Variants in PDE4C observed in about 807,000 individuals in gnomAD.
The protein encoded by PDE4C is 3',5'-cyclic-AMP phosphodiesterase 4C.
A neutral mutation model predicts 63.9 loss-of-function variants in PDE4C; 50 were observed. The ratio of observed to expected loss-of-function variants is 0.78; its 90% CI spans 0.62 to 0.99. PDE4C has a LOEUF of 0.99. PDE4C is among the 50% of genes least tolerant of loss of function. The pLI, the probability that PDE4C is intolerant of heterozygous loss-of-function variation, is 0.00. For missense variants in PDE4C, 777 were observed against 899.1 expected, an observed-to-expected ratio of 0.86 and a Z score of 1.74; for synonymous variants, 377 against 385.1, an observed-to-expected ratio of 0.98 and a Z score of 0.25.
chr19:18,230,587 C>T (rs1413268726), upstream of PDE4C, among the ~76,000 whole-genome samples: 1 of 152,178 alleles, frequency 6.6e-6, no homozygotes, highest in African/African-American at 2.4e-5. Flanking sequence ...CCATTTTCAG[C>T]TCCTCACATG....
At chr19:18,221,551 C>G (rs370936429) in intron 2 of PDE4C, among the ~76,000 whole-genome samples, 10 of 152,228 alleles carry the variant, frequency 6.6e-5, no homozygotes, top group African/African-American at 2.4e-4. Flanking sequence ...TTTCATTATG[C>G]CTACTAGGAA....
intron 1 of PDE4C, among the ~76,000 whole-genome samples, chr19:18,224,000 C>T (rs576114202): frequency 1.1e-3 from 162 of 152,326 alleles, no homozygotes; most frequent in African/African-American, 3.7e-3. Context: ...GGGTCCTGCC[C>T]TAGGCTCCCC....
upstream of PDE4C, among the ~76,000 whole-genome samples, chr19:18,235,234 G>A (rs573784231): frequency 3.6e-4 from 55 of 152,276 alleles, 1 homozygote; most frequent in African/African-American, 1.2e-3. Context: ...GTAATGGTGC[G>A]ATCTTGGCTC....
the PDE4C span, among the ~76,000 whole-genome samples, chr19:18,254,201 A>G: frequency 6.6e-6 from 1 of 152,218 alleles, no homozygotes. Context: ...GGAGCTGGGA[A>G]GAACGCCCCT....
rs142283762 is a variant in PDE4C, at chr19:18,246,447, C to T, written c.-210+1724G>A. On this transcript the variant is annotated intron_variant, in intron 1 of 15. Coordinates refer to the PDE4C transcript ENST00000594617. ...ATCCACCTGCCTCGGCCTCCCAAAG[C>T]GCTGAGATTACAGGCGTGAGCCACC... Among the ~76,000 whole-genome samples the T allele has an allele frequency of 7.7e-3, 1,176 of 151,778 alleles. 11 individuals carry two copies. The highest frequency in any genetic ancestry group is 0.011 in the Non-Finnish European group (743 of 67,900).
At chr19:18,228,000 C>G (rs1381487958), upstream of PDE4C, among the ~76,000 whole-genome samples, 1 of 152,152 alleles carries the variant, frequency 6.6e-6, no homozygotes, top group Non-Finnish European at 1.5e-5. Context: ...GCCCCCCTAA[C>G]CCCCGCAGTC....
In PDE4C at chr19:18,220,103, T is replaced by A. The variant is rs1456133922; in HGVS notation, c.706+123A>T. On this transcript the variant is annotated intron_variant, in intron 7 of 14. Transcript: ENST00000262805. This position sits in a 1 kb window ranked among gnomAD's most constrained non-coding sequence, Gnocchi z 5.1. Reference sequence around the variant, plus strand: ...CTCCCTCTGATCCAGCCCTGACTCATGGGGGCTGAAGGTGTCTGTGTCTGG... The same window carrying A: ...CTCCCTCTGATCCAGCCCTGACTCAAGGGGGCTGAAGGTGTCTGTGTCTGG... 1.3e-6 allele frequency: 1 copy of A among 779,458 alleles called. No homozygotes were observed. The highest frequency in any genetic ancestry group is 1.7e-5 in the African/African-American group (1 of 58,616). 48.3% of individuals were successfully genotyped at this position (779,458 alleles called of 1,614,324 possible).
intron 1 of PDE4C, among the ~76,000 whole-genome samples, chr19:18,239,413 A>G (rs1969003238): frequency 6.6e-6 from 1 of 152,206 alleles, no homozygotes; most frequent in African/African-American, 2.4e-5. Flanking sequence ...ATCTGGGTTC[A>G]ATCCAGGCCA....
exon 1 of PDE4C, chr19:18,226,406 G>C: frequency 2.8e-6 from 4 of 1,439,192 alleles, no homozygotes; most frequent in Non-Finnish European, 3.6e-6. Flanking sequence ...GGCGCGGGGG[G>C]GCCCTGCATC....
upstream of PDE4C, among the ~76,000 whole-genome samples, chr19:18,249,275 G>A (rs1289578244): frequency 1.3e-5 from 2 of 151,946 alleles, no homozygotes; most frequent in Non-Finnish European, 2.9e-5. Context: ...GGCACCCCCA[G>A]TTTTGTTTGT....
intron 11 of PDE4C, among the ~76,000 whole-genome samples, chr19:18,217,811 C>T (rs988508394): frequency 6.6e-6 from 1 of 152,116 alleles, no homozygotes; most frequent in Non-Finnish European, 1.5e-5. Context: ...GCTAGACAAT[C>T]GCTTGAACCT....
intron 1 of PDE4C, among the ~76,000 whole-genome samples, chr19:18,246,532 A>C (rs1207771261): frequency 6.6e-6 from 1 of 151,988 alleles, no homozygotes; most frequent in Non-Finnish European, 1.5e-5. Context: ...TGGATAAATA[A>C]ACATTAAGGC....
upstream of PDE4C, among the ~76,000 whole-genome samples, chr19:18,231,273 C>T (rs117740154): frequency 1.7e-3 from 257 of 152,328 alleles, 4 homozygotes; most frequent in Non-Finnish European, 8.8e-4. Flanking sequence ...ATGCGCAGAA[C>T]GACGTGTGTG....
upstream of PDE4C, chr19:18,252,519 CT>C: frequency 2.5e-6 from 1 of 398,942 alleles, no homozygotes; most frequent in Non-Finnish European, 4.4e-6. Context: ...AATTCCAGCA[CT>C]TTGAGAGGTC....
At chr19:18,213,016 G>A (rs569369598) in intron 13 of PDE4C, among the ~76,000 whole-genome samples, 9 of 146,770 alleles carry the variant, frequency 6.1e-5, no homozygotes, top group East Asian at 2.2e-4. Flanking sequence ...AAAACCGGCC[G>A]GGCGCGGTGG....
At chr19:18,248,275 C>A, upstream of PDE4C, 1 of 454,428 alleles carries the variant, frequency 2.2e-6, no homozygotes. Flanking sequence ...CCCTCAACAC[C>A]CACTCAGCGG....
At chr19:18,219,441 T>G in intron 7 of PDE4C, 44 bp from the exon 8 acceptor site, 1 of 1,535,720 alleles carries the variant, frequency 6.5e-7, no homozygotes, top group Non-Finnish European at 8.7e-7. Flanking sequence ...CGATTTCACC[T>G]GCTGGGGCCT....
intron 1 of PDE4C, among the ~76,000 whole-genome samples, chr19:18,245,831 CTTTA>C (rs1162450922): frequency 6.6e-6 from 1 of 151,998 alleles, no homozygotes; most frequent in African/African-American, 2.4e-5. Context: ...TCAGAAGGTC[CTTTA>C]TTTATTTATT....
upstream of PDE4C, among the ~76,000 whole-genome samples, chr19:18,235,391 G>A (rs541808862): frequency 1.3e-5 from 2 of 152,248 alleles, no homozygotes; most frequent in South Asian, 2.1e-4. Context: ...GGCTGGACTC[G>A]ATCTCCTGAC....
Sources: allele counts gnomAD v4.1 joint callset (sites outside exome capture counted in the v4.1 genomes callset), GRCh38; gene constraint gnomAD v4.1.1; non-coding constraint Gnocchi (gnomAD v3.1); transcripts MANE v1.5; gene names NCBI Gene and HGNC (gene_info 2026-07-23, HGNC 2026-07-21).